ABL1: variants seen among roughly 807,000 people sequenced by gnomAD.
ABL1 encodes tyrosine-protein kinase ABL1.
ABL1 carries 11 observed loss-of-function variants against 94.7 expected under a neutral mutation model. The ratio of observed to expected loss-of-function variants is 0.12; its 90% confidence interval spans 0.07 to 0.19. The LOEUF is 0.19. Ranked by LOEUF, ABL1 falls within the 10% of genes least tolerant of loss-of-function variation. The pLI is 1.00. For missense variants in ABL1, 1,082 were observed against 1,489.4 expected, an observed-to-expected ratio of 0.73 and a Z score of 4.50; for synonymous variants, 656 against 622.4, an observed-to-expected ratio of 1.05 and a Z score of -0.80.
At chr9:130,794,970 C>G (rs543145874) in intron 1 of ABL1, among the ~76,000 whole-genome samples, 1 of 152,314 alleles carries the variant, frequency 6.6e-6, no homozygotes, top group East Asian at 1.9e-4. Flanking sequence ...TTTCTTCTTT[C>G]TGGTACCCTC....
At chr9:130,767,640 A>G (rs1191207215) in intron 1 of ABL1, among the ~76,000 whole-genome samples, 3 of 151,798 alleles carry the variant, frequency 2.0e-5, no homozygotes, top group South Asian at 2.1e-4. Flanking sequence ...GCCTGACCTC[A>G]TATTTGAATA....
chr9:130,876,075 C>T (rs1369889144), intron 7 of ABL1, among the ~76,000 whole-genome samples: 15 of 152,232 alleles, frequency 9.9e-5, no homozygotes, highest in Admixed American at 9.8e-4. Context: ...ATCCACCCAC[C>T]TCGGCCTCCC....
intron 1 of ABL1, among the ~76,000 whole-genome samples, chr9:130,716,427 A>G (rs1831441785): frequency 6.6e-6 from 1 of 152,134 alleles, no homozygotes; most frequent in Admixed American, 6.5e-5. Flanking sequence ...TTGATGAAGC[A>G]GCAAAAATTA....
At chr9:130,825,624 G>A (rs1010151206) in intron 1 of ABL1, among the ~76,000 whole-genome samples, 1 of 152,072 alleles carries the variant, frequency 6.6e-6, no homozygotes, top group Non-Finnish European at 1.5e-5. Context: ...TGATGTATTT[G>A]TTTTATAGAT....
intron 1 of ABL1, among the ~76,000 whole-genome samples, chr9:130,790,969 T>C (rs1487053904): frequency 6.6e-6 from 1 of 152,104 alleles, no homozygotes; most frequent in East Asian, 1.9e-4. Context: ...AATTATAGAA[T>C]CTAGGGTAGG....
chr9:130,730,303 A>C (rs1831648136), intron 1 of ABL1, among the ~76,000 whole-genome samples: 1 of 152,036 alleles, frequency 6.6e-6, no homozygotes, highest in Non-Finnish European at 1.5e-5. Flanking sequence ...CGGCCTCCCA[A>C]AGTGCTGGGA....
intron 1 of ABL1, among the ~76,000 whole-genome samples, chr9:130,808,084 A>G (rs958247510): frequency 2.6e-5 from 3 of 113,490 alleles, no homozygotes; most frequent in African/African-American, 1.2e-4. Context: ...TTAACTGATC[A>G]AAAAAAAAAA....
intron 1 of ABL1, among the ~76,000 whole-genome samples, chr9:130,714,982 A>G (rs763647526): frequency 1.3e-5 from 2 of 152,196 alleles, no homozygotes; most frequent in Non-Finnish European, 2.9e-5. Context: ...CTTTGGAGCC[A>G]TGTGGGAAAA....
At position 130,778,628 on chromosome 9, in the gene ABL1, C is replaced by G. The variant is rs74336704; in HGVS notation, c.136+64173C>G. ...ATCCTCACCTGTGAATTCCTCTGCT[C>G]TCCTTTGCCAAGCAATGCTTGCCCA... is the stretch of plus-strand genomic sequence containing the variant. On this transcript the variant is annotated intron_variant, in intron 1 of 10. Coordinates refer to the ABL1 transcript ENST00000372348. Among the ~76,000 whole-genome samples, 1,070 of 151,990 alleles carry G rather than the reference C, an allele frequency of 7.0e-3. 18 individuals carry two copies. Among genetic ancestry groups the G allele is most frequent in the African/African-American group, 0.023 (972 of 41,424 alleles).
chr9:130,845,716 G>C (rs959629744), intron 1 of ABL1, among the ~76,000 whole-genome samples: 1 of 152,102 alleles, frequency 6.6e-6, no homozygotes, highest in East Asian at 1.9e-4. Flanking sequence ...AGTTATTTAA[G>C]GCATTAATAA....
At position 130,755,296 on chromosome 9, in the gene ABL1, A is replaced by G. The variant is rs377095069; in HGVS notation, c.136+40841A>G. On this transcript the variant is annotated intron_variant, in intron 1 of 10. Coordinates refer to the ABL1 transcript ENST00000372348. ...AGGCATCTTGGATGTGGGATTGGTC[A>G]GAGGGGAGAGAGGTAAAAATGATTC... is the stretch of plus-strand genomic sequence containing the variant. Among the ~76,000 whole-genome samples the G allele has an allele frequency of 5.3e-4, 81 of 152,296 alleles. 1 individual carries two copies. In the South Asian group the frequency reaches 0.017, roughly 31 times the overall value.
chr9:130,765,344 A>G (rs1033468662), intron 1 of ABL1, among the ~76,000 whole-genome samples: 14 of 152,178 alleles, frequency 9.2e-5, no homozygotes, highest in African/African-American at 3.1e-4. Context: ...CCCCCACTTC[A>G]AAACGTGTAG....
chr9:130,792,624 G>A (rs1045999024), intron 1 of ABL1, among the ~76,000 whole-genome samples: 5 of 152,200 alleles, frequency 3.3e-5, no homozygotes, highest in Admixed American at 2.0e-4. Context: ...CGTGAAAAAT[G>A]TTGAGTAGGA....
At position 130,735,619 on chromosome 9, in the gene ABL1, T is replaced by C. The variant is rs542295827; in HGVS notation, c.136+21164T>C. On this transcript the variant is annotated intron_variant, in intron 1 of 10. Transcript: ENST00000372348. ...TTAATAGATCCTCAGGATCTCCCCA[T>C]ATTGGAATATGTATATCTTCCTTCT... Among the ~76,000 whole-genome samples the C allele has an allele frequency of 5.1e-4, 77 of 152,116 alleles. 3 individuals carry two copies. The South Asian group carries it at 0.016, about 31-fold the overall frequency.
chr9:130,825,660 AAAAC>A (rs1175386766), intron 1 of ABL1, among the ~76,000 whole-genome samples: 5 of 152,234 alleles, frequency 3.3e-5, no homozygotes, highest in Admixed American at 6.5e-5. Flanking sequence ...ATTCAGATTA[AAAAC>A]AAACAAGACT....
chr9:130,788,111 T>G (rs992815363), intron 1 of ABL1, among the ~76,000 whole-genome samples: 1 of 152,232 alleles, frequency 6.6e-6, no homozygotes, highest in Admixed American at 6.5e-5. Context: ...CACAGATCAG[T>G]GCAGTTTGCT....
Position 130,884,519 on chromosome 9 carries a change from GGGAAGACAGTTTGACTCGTCCACATTT to G in ABL1, c.2233_2259del (p.Arg745_Gly753del). 1 of 1,613,222 alleles carries G rather than the reference GGGAAGACAGTTTGACTCGTCCACATTT, an allele frequency of 6.2e-7. No individual in the cohort carries two copies. Among genetic ancestry groups the G allele is most frequent in the Middle Eastern group, 1.6e-4 (1 of 6,062 alleles). ...CGCTGCCTCGGGACTTGCAGTCCAC[GGGAAGACAGTTTGACTCGTCCACATTT>G]GGAGGGCACAAAAGTGAGAAGCCGG... On this transcript the variant is annotated inframe_deletion, in exon 11 of 11. Coordinates refer to ENST00000318560, the MANE Select transcript of ABL1 (RefSeq NM_005157.6). The surrounding 1 kb of genome is among the most constrained non-coding windows in gnomAD (Gnocchi z 5.6).
At chr9:130,714,301 G>A (rs374439045) in exon 1 of ABL1, 82 of 1,574,966 alleles carry the variant, frequency 5.2e-5, no homozygotes, top group Non-Finnish European at 6.7e-5. Flanking sequence ...TTCTGGAAAG[G>A]GGTACCTATT....
intron 1 of ABL1, among the ~76,000 whole-genome samples, chr9:130,848,345 GAAA>G (rs34112720): frequency 1.4e-5 from 1 of 69,740 alleles, no homozygotes; most frequent in Non-Finnish European, 2.8e-5. Context: ...TACTGAAAAT[GAAA>G]AAAAAAAAAA....
Sources: gnomAD v4.1 joint callset for allele counts (sites outside exome capture counted in the v4.1 genomes callset) on GRCh38, gnomAD v4.1.1 for gene constraint, Gnocchi (gnomAD v3.1) non-coding constraint, MANE v1.5 for transcripts, NCBI Gene and HGNC (gene_info 2026-07-23, HGNC 2026-07-21) for gene names.